Variants in SCAF4 observed in about 807,000 individuals in gnomAD.
SCAF4 encodes the protein SR-related and CTD-associated factor 4.
In SCAF4, 25 loss-of-function variants were observed where a neutral mutation model predicts 129.8. The ratio of observed to expected loss-of-function variants is 0.19; its 90% CI spans 0.14 to 0.27. The LOEUF (loss-of-function observed/expected upper bound fraction) is 0.27, where lower values mean the gene tolerates loss of function less well. Among genes scored for constraint, SCAF4 ranks in the 10% least tolerant of loss-of-function variants. The pLI is 1.00. For synonymous variants in SCAF4, 551 were observed against 497.7 expected, an observed-to-expected ratio of 1.11 and a Z score of -1.43; for missense variants, 1,246 against 1,457.1, an observed-to-expected ratio of 0.86 and a Z score of 2.36.
intron 1 of SCAF4, among the ~76,000 whole-genome samples, chr21:31,731,062 C>A (rs1205503799): frequency 6.6e-6 from 1 of 152,240 alleles, no homozygotes; most frequent in Non-Finnish European, 1.5e-5. Flanking sequence ...GAGCCACCCC[C>A]TCTCCGTTTA....
chr21:31,728,611 G>A (rs1397502051), intron 1 of SCAF4, among the ~76,000 whole-genome samples: 4 of 152,084 alleles, frequency 2.6e-5, no homozygotes, highest in East Asian at 3.9e-4. Context: ...GTAATTGGAC[G>A]TCTATGCAGG....
At chr21:31,701,641 C>A in intron 6 of SCAF4, 135 bp downstream of exon 6, 1 of 900,814 alleles carries the variant, frequency 1.1e-6, no homozygotes, top group Non-Finnish European at 1.6e-6. Flanking sequence ...CATTACTTCT[C>A]TTGTGAAGGC....
At chr21:31,718,258 A>C (rs965822283) in intron 1 of SCAF4, among the ~76,000 whole-genome samples, 1 of 151,038 alleles carries the variant, frequency 6.6e-6, no homozygotes, top group African/African-American at 2.4e-5. Flanking sequence ...TATTTTTTTC[A>C]ACATCTCTTC....
chr21:31,728,820 CAT>C (rs745781625), intron 1 of SCAF4, among the ~76,000 whole-genome samples: 9 of 152,140 alleles, frequency 5.9e-5, no homozygotes, highest in Non-Finnish European at 1.2e-4. Flanking sequence ...AAAATTTCCA[CAT>C]GATTGTTCCA....
At chr21:31,689,646 G>A (rs2123520091) in intron 15 of SCAF4, among the ~76,000 whole-genome samples, 1 of 150,854 alleles carries the variant, frequency 6.6e-6, no homozygotes, top group East Asian at 2.0e-4. Flanking sequence ...TGAGGGCGGT[G>A]AGGGTGAGCA....
chr21:31,717,842 T>TACACACAC (rs66498283), intron 1 of SCAF4, among the ~76,000 whole-genome samples: 91 of 114,374 alleles, frequency 8.0e-4, no homozygotes, highest in Admixed American at 2.6e-3. Context: ...TATATATATA[T>TACACACAC]ACACACACAC....
intron 19 of SCAF4, among the ~76,000 whole-genome samples, chr21:31,679,452 T>C (rs542634664): frequency 2.6e-4 from 40 of 152,268 alleles, no homozygotes; most frequent in African/African-American, 8.4e-4. Flanking sequence ...CAATAACATT[T>C]AGGCCTATTT....
At chr21:31,673,546 C>T (rs140162881) in intron 19 of SCAF4, among the ~76,000 whole-genome samples, 1 of 139,328 alleles carries the variant, frequency 7.2e-6, no homozygotes, top group African/African-American at 2.9e-5. Context: ...TGTCCCTTCA[C>T]AGGCTCTTCA....
chr21:31,688,576 C>A, intron 15 of SCAF4, 112 bp from the exon 16 acceptor site: 1 of 827,046 alleles, frequency 1.2e-6, no homozygotes, highest in Non-Finnish European at 1.9e-6. Flanking sequence ...TAAAGAAATT[C>A]CCATGCTAAT....
intron 2 of SCAF4, 96 bp from the exon 3 acceptor site, chr21:31,705,563 AAATATT>A: frequency 2.1e-6 from 1 of 465,774 alleles, no homozygotes; most frequent in Non-Finnish European, 3.8e-6. Flanking sequence ...TATACAATCT[AAATATT>A]ATCAATACTG....
intron 11 of SCAF4, 112 bp from the exon 12 acceptor site, chr21:31,693,596 G>T: frequency 1.7e-6 from 1 of 584,856 alleles, no homozygotes; most frequent in Non-Finnish European, 2.6e-6. Flanking sequence ...GTTTGGGTAT[G>T]TAAGAATGCA....
intron 19 of SCAF4, among the ~76,000 whole-genome samples, chr21:31,675,073 C>T (rs2049817795): frequency 6.6e-6 from 1 of 152,078 alleles, no homozygotes; most frequent in African/African-American, 2.4e-5. Flanking sequence ...ACATTACTAG[C>T]AGCTTTTGAA....
chr21:31,716,932 A>G (rs932764803), intron 1 of SCAF4, among the ~76,000 whole-genome samples: 1 of 152,182 alleles, frequency 6.6e-6, no homozygotes, highest in African/African-American at 2.4e-5. Context: ...ACACAGTAAG[A>G]GGTACAATGA....
chr21:31,674,699 T>TA (rs1232171952), intron 19 of SCAF4, among the ~76,000 whole-genome samples: 2 of 152,220 alleles, frequency 1.3e-5, no homozygotes, highest in African/African-American at 4.8e-5. Flanking sequence ...TATTGTGAGT[T>TA]ACCCAGGTGA....
intron 1 of SCAF4, among the ~76,000 whole-genome samples, chr21:31,711,896 T>C (rs1472799115): frequency 6.6e-6 from 1 of 152,144 alleles, no homozygotes. Flanking sequence ...TATAAATTAC[T>C]AAAATAGGGT....
chr21:31,706,593 G>A, intron 1 of SCAF4: 1 of 492,374 alleles, frequency 2.0e-6, no homozygotes. Context: ...GGTGGCGAAG[G>A]GGTAGTGAAA....
In SCAF4 at chr21:31,671,126, TAGAG is replaced by T. The variant is rs144717070; in HGVS notation, c.*269_*272del. 0.049 allele frequency: 13,644 copies of T among 277,840 alleles called. 459 individuals carry two copies. The highest frequency in any genetic ancestry group is 0.1 in the Middle Eastern group (95 of 942). 17.2% of individuals were successfully genotyped at this position (277,840 alleles called of 1,614,324 possible). On this transcript the variant is annotated 3_prime_UTR_variant, in exon 20 of 20. Coordinates refer to ENST00000286835, the MANE Select transcript of SCAF4 (RefSeq NM_020706.2). ...CTTAAATTAAAAAAAAAAAAAAAAATAGAGAGCACTTCTAATTACGATTTGTAAA... is the reference window on the plus strand; with the variant it reads ...CTTAAATTAAAAAAAAAAAAAAAAATAGCACTTCTAATTACGATTTGTAAA...
intron 2 of SCAF4, 56 bp downstream of exon 2, chr21:31,706,218 A>AT (rs2123606406): frequency 1.7e-6 from 2 of 1,175,350 alleles, no homozygotes; most frequent in Admixed American, 2.1e-5. Context: ...TTTAAAAGTA[A>AT]TAAATATTTT....
At chr21:31,721,405 G>A (rs570250386) in intron 1 of SCAF4, among the ~76,000 whole-genome samples, 3 of 152,194 alleles carry the variant, frequency 2.0e-5, no homozygotes, top group African/African-American at 7.2e-5. Context: ...GCTTTAAAAC[G>A]GATATCACAG....
Sources: gnomAD v4.1 joint callset for allele counts (sites outside exome capture counted in the v4.1 genomes callset) on GRCh38, gnomAD v4.1.1 for gene constraint, MANE v1.5 for transcripts, NCBI Gene and HGNC (gene_info 2026-07-23, HGNC 2026-07-21) for gene names.